The following NIM1K variants were observed in gnomAD, a reference collection of about 807,000 sequenced individuals.
The protein encoded by NIM1K is NIM1 serine/threonine protein kinase.
In NIM1K, 35 loss-of-function variants were observed where a neutral mutation model predicts 37.1. The ratio of observed to expected loss-of-function variants is 0.94; its 90% CI spans 0.72 to 1.25. The LOEUF (loss-of-function observed/expected upper bound fraction) is 1.25, where lower values mean the gene tolerates loss of function less well. Among genes scored for constraint, NIM1K ranks in the 50% most tolerant of loss-of-function variants. The pLI, the probability that NIM1K is intolerant of heterozygous loss-of-function variation, is 0.00. For synonymous variants in NIM1K, 234 were observed against 206.6 expected, an observed-to-expected ratio of 1.13 and a Z score of -1.14; for missense variants, 564 against 548.0, an observed-to-expected ratio of 1.03 and a Z score of -0.29.
chr5:43,277,802 G>A (rs1195863229), intron 3 of NIM1K, among the ~76,000 whole-genome samples: 67 of 149,510 alleles, frequency 4.5e-4, no homozygotes, highest in African/African-American at 1.6e-3. Flanking sequence ...GTGTGTGTGT[G>A]TGTGTGTGTG....
At chr5:43,250,132 A>G (rs533498128) in intron 2 of NIM1K, among the ~76,000 whole-genome samples, 3 of 152,058 alleles carry the variant, frequency 2.0e-5, no homozygotes, top group Non-Finnish European at 4.4e-5. Flanking sequence ...GATTACAGGC[A>G]TGAGCCACCG....
At chr5:43,234,058 T>G (rs1208327915) in intron 1 of NIM1K, among the ~76,000 whole-genome samples, 1 of 152,220 alleles carries the variant, frequency 6.6e-6, no homozygotes, top group Non-Finnish European at 1.5e-5. Flanking sequence ...TCTTTGAAAT[T>G]CATGGTTTCA....
chr5:43,231,187 C>G (rs1752533103), intron 1 of NIM1K, among the ~76,000 whole-genome samples: 1 of 152,124 alleles, frequency 6.6e-6, no homozygotes, highest in Non-Finnish European at 1.5e-5. Flanking sequence ...CATGTTGGCA[C>G]AAGCTTGTTG....
chr5:43,195,153 T>G (rs557738099), intron 1 of NIM1K, among the ~76,000 whole-genome samples: 1 of 152,352 alleles, frequency 6.6e-6, no homozygotes, highest in East Asian at 1.9e-4. Flanking sequence ...ATTGTCATTC[T>G]AGAAAAAGGT....
chr5:43,235,765 C>T (rs965043739), intron 1 of NIM1K, among the ~76,000 whole-genome samples: 7 of 152,006 alleles, frequency 4.6e-5, no homozygotes, highest in East Asian at 1.9e-4. Flanking sequence ...AAGGTACTAA[C>T]GCAAATATCT....
At chr5:43,232,403 G>T (rs1752553140) in intron 1 of NIM1K, 1 of 1,439,356 alleles carries the variant, frequency 6.9e-7, no homozygotes. Flanking sequence ...CACCAGCTTG[G>T]TCTGGAATTC....
chr5:43,220,226 C>T (rs1752361110), intron 1 of NIM1K, among the ~76,000 whole-genome samples: 1 of 149,878 alleles, frequency 6.7e-6, no homozygotes, highest in African/African-American at 2.5e-5. Context: ...TTTAATGCAT[C>T]TTGAATTAAA....
intron 2 of NIM1K, among the ~76,000 whole-genome samples, chr5:43,271,190 C>A (rs1753251471): frequency 6.6e-6 from 1 of 151,836 alleles, no homozygotes; most frequent in East Asian, 1.9e-4. Context: ...ATGCTTCTTA[C>A]TGCCCTTAAT....
rs144109944 is a variant in NIM1K, at chr5:43,232,680, C to T, written c.-694-12402C>T. On this transcript the variant is annotated intron_variant, in intron 1 of 3. Transcript: ENST00000326035. ...AGTAAATGGAGAACTGCAGCTTGGA[C>T]TTCTTGCCGTAATCAACCGGGAGTT... 2.4e-4 allele frequency: 363 copies of T among 1,506,238 alleles called. 3 individuals carry two copies. The East Asian group carries it at 6.3e-3, about 26-fold the overall frequency. 93.3% of individuals were successfully genotyped at this position (1,506,238 alleles called of 1,614,324 possible).
At chr5:43,218,721 T>C (rs1752340860) in intron 1 of NIM1K, among the ~76,000 whole-genome samples, 1 of 117,882 alleles carries the variant, frequency 8.5e-6, no homozygotes, top group Non-Finnish European at 1.8e-5. Flanking sequence ...TTTTTCTTCT[T>C]TTCTTTTTTT....
At chr5:43,217,230 C>A (rs1198277740) in intron 1 of NIM1K, among the ~76,000 whole-genome samples, 1 of 152,086 alleles carries the variant, frequency 6.6e-6, no homozygotes, top group African/African-American at 2.4e-5. Context: ...AAAATGTGGT[C>A]CTTTGTGACT....
intron 1 of NIM1K, chr5:43,193,446 G>T (rs1186544973): frequency 1.4e-5 from 2 of 141,874 alleles, no homozygotes; most frequent in African/African-American, 2.7e-5. Context: ...AGGGCTCTCT[G>T]TCTACCCCCC....
At chr5:43,236,928 T>C (rs569214105) in intron 1 of NIM1K, among the ~76,000 whole-genome samples, 2 of 152,314 alleles carry the variant, frequency 1.3e-5, no homozygotes, top group Admixed American at 1.3e-4. Context: ...TTGCACTGCA[T>C]GGGGATCTTG....
At chr5:43,194,150 T>G (rs1244664500) in intron 1 of NIM1K, among the ~76,000 whole-genome samples, 1 of 152,100 alleles carries the variant, frequency 6.6e-6, no homozygotes, top group Non-Finnish European at 1.5e-5. Context: ...GAGGAGGGTG[T>G]TAGATGTTCC....
intron 2 of NIM1K, among the ~76,000 whole-genome samples, chr5:43,271,164 CA>C (rs917198669): frequency 6.6e-6 from 1 of 151,412 alleles, no homozygotes; most frequent in Non-Finnish European, 1.5e-5. Context: ...TTTTTATAGG[CA>C]AAAATAATAA....
Position 43,245,784 on chromosome 5 carries a change from A to T in NIM1K, c.9A>T (p.Ala3=), listed in dbSNP as rs752186291. MT[A]VYMNGGGLVN... The stretch of plus-strand genomic sequence containing the variant: ...GTGAGCCCCCGTGGACGATGACTGC[A>T]GTGTATATGAATGGAGGTGGCCTGG... Residue 3 remains alanine (A), a synonymous_variant, in exon 2 of 4, where the codon GCA becomes GCT. Coordinates refer to ENST00000326035, the MANE Select transcript of NIM1K (RefSeq NM_153361.4). The T allele has an allele frequency of 4.2e-5, 67 of 1,597,222 alleles. No individual in the cohort carries two copies. Among genetic ancestry groups the T allele is most frequent in the Admixed American group, 2.2e-4 (13 of 59,042 alleles).
At chr5:43,235,743 C>T (rs1209512078) in intron 1 of NIM1K, among the ~76,000 whole-genome samples, 2 of 152,124 alleles carry the variant, frequency 1.3e-5, no homozygotes, top group African/African-American at 4.8e-5. Context: ...GGTTTTAAAA[C>T]TACAAGACTG....
At chr5:43,242,186 G>T (rs1489856283) in intron 1 of NIM1K, among the ~76,000 whole-genome samples, 1 of 151,950 alleles carries the variant, frequency 6.6e-6, no homozygotes, top group Non-Finnish European at 1.5e-5. Flanking sequence ...ATCATATTTG[G>T]CAATTGTACC....
intron 2 of NIM1K, among the ~76,000 whole-genome samples, chr5:43,264,440 T>A (rs184717975): frequency 0.032 from 4,861 of 152,192 alleles, 281 homozygotes; most frequent in African/African-American, 0.11. Context: ...ACTAGGATTG[T>A]AACCCCTGCC....
Sources: allele counts gnomAD v4.1 joint callset (sites outside exome capture counted in the v4.1 genomes callset), GRCh38; gene constraint gnomAD v4.1.1; transcripts MANE v1.5; gene names NCBI Gene and HGNC (gene_info 2026-07-23, HGNC 2026-07-21).